The following BCAS4 variants were observed in gnomAD, a reference collection of about 807,000 sequenced individuals.
The protein encoded by BCAS4 is breast carcinoma amplified sequence 4.
BCAS4 carries 9 observed loss-of-function variants against 15.7 expected under a neutral mutation model. The ratio of observed to expected loss-of-function variants is 0.57; its 90% confidence interval spans 0.34 to 1.00. The LOEUF (loss-of-function observed/expected upper bound fraction) is 1.00, where lower values mean the gene tolerates loss of function less well. Ranked by LOEUF, BCAS4 falls within the 50% of genes least tolerant of loss-of-function variation. The pLI is 0.02. For missense variants in BCAS4, 225 were observed against 239.1 expected, an observed-to-expected ratio of 0.94 and a Z score of 0.39; for synonymous variants, 101 against 99.5, an observed-to-expected ratio of 1.02 and a Z score of -0.09.
Position 50,846,904 on chromosome 20 carries a change from A to G in BCAS4, c.399+5004A>G, listed in dbSNP as rs571957779. ...GCTGGGATTACAGGCGTGACCCACG[A>G]CGCCCAGCTTAAAATAATATCTTTA... On this transcript the variant is annotated intron_variant, in intron 4 of 4. Coordinates refer to ENST00000371608, the MANE Select transcript of BCAS4 (RefSeq NM_198799.4). 6.0e-4 allele frequency among the ~76,000 whole-genome samples: 91 copies of G among 151,276 alleles called. 2 individuals are homozygous for G. The South Asian group carries it at 0.019, about 31-fold the overall frequency.
chr20:50,871,306 G>C (rs1979631365), intron 4 of BCAS4, among the ~76,000 whole-genome samples: 1 of 152,168 alleles, frequency 6.6e-6, no homozygotes, highest in Non-Finnish European at 1.5e-5. Context: ...AGAGAGAACG[G>C]GTGTGAAAGT....
At chr20:50,866,129 G>A (rs148331967) in intron 4 of BCAS4, among the ~76,000 whole-genome samples, 3 of 152,284 alleles carry the variant, frequency 2.0e-5, no homozygotes, top group East Asian at 3.9e-4. Flanking sequence ...CTCCAAGCCC[G>A]CTTTCTCATC....
At chr20:50,826,609 A>T (rs537698327) in intron 2 of BCAS4, among the ~76,000 whole-genome samples, 2 of 152,148 alleles carry the variant, frequency 1.3e-5, no homozygotes, top group Non-Finnish European at 2.9e-5. Flanking sequence ...GTGCCTCGCT[A>T]TGTTGCCCAG....
intron 4 of BCAS4, among the ~76,000 whole-genome samples, chr20:50,859,307 G>A (rs1568681843): frequency 2.0e-5 from 3 of 152,170 alleles, no homozygotes; most frequent in East Asian, 1.9e-4. Context: ...GGATGTGGAG[G>A]GCCGACTGCA....
intron 4 of BCAS4, among the ~76,000 whole-genome samples, chr20:50,845,595 C>T (rs910671297): frequency 2.0e-5 from 3 of 152,186 alleles, no homozygotes; most frequent in Non-Finnish European, 2.9e-5. Context: ...CTGGTCTCTC[C>T]CCCAGGACCC....
chr20:50,808,195 AGCCACC>A (rs2088018817), intron 1 of BCAS4, among the ~76,000 whole-genome samples: 1 of 152,142 alleles, frequency 6.6e-6, no homozygotes, highest in Non-Finnish European at 1.5e-5. Flanking sequence ...TACAGGCGTG[AGCCACC>A]GCGCCCGGCT....
intron 3 of BCAS4, among the ~76,000 whole-genome samples, chr20:50,831,513 C>T (rs969988037): frequency 1.3e-5 from 2 of 152,172 alleles, no homozygotes; most frequent in Non-Finnish European, 2.9e-5. Flanking sequence ...GTTGCCTTAC[C>T]GCTGACGTAG....
In BCAS4 at chr20:50,808,088, T is replaced by A. The variant is rs541669607; in HGVS notation, c.91-10123T>A. ...ATGCCCGGCTAATTTTTTTTTTGTATTTTTTAATAGAGATGGGGTTTCACC... is the reference window on the plus strand; with the variant it reads ...ATGCCCGGCTAATTTTTTTTTTGTAATTTTTAATAGAGATGGGGTTTCACC... On this transcript the variant is annotated intron_variant, in intron 1 of 4. Transcript: ENST00000371608. Among the ~76,000 whole-genome samples the A allele has an allele frequency of 2.0e-5, 3 of 151,948 alleles. No homozygotes were observed. In the East Asian group the frequency reaches 5.8e-4, roughly 29 times the overall value.
intron 1 of BCAS4, among the ~76,000 whole-genome samples, chr20:50,803,801 CAA>C (rs77271343): frequency 8.8e-4 from 80 of 90,968 alleles, no homozygotes; most frequent in African/African-American, 1.3e-3. Flanking sequence ...ACTAGACTCC[CAA>C]AAAAAAAAAA....
intron 4 of BCAS4, chr20:50,846,770 C>A (rs545687864): frequency 6.6e-6 from 1 of 151,312 alleles, no homozygotes; most frequent in South Asian, 2.1e-4. Context: ...CCCACCACCA[C>A]GCCAGGCTAA....
chr20:50,804,335 G>A (rs1326162957), intron 1 of BCAS4, among the ~76,000 whole-genome samples: 4 of 152,126 alleles, frequency 2.6e-5, no homozygotes, highest in Non-Finnish European at 5.9e-5. Context: ...CACTGCACCC[G>A]GCCTCATGCT....
intron 2 of BCAS4, 83 bp downstream of exon 2, chr20:50,818,365 G>C: frequency 1.4e-6 from 2 of 1,406,524 alleles, no homozygotes; most frequent in Admixed American, 4.0e-5. Context: ...AAGCCATTTT[G>C]GTGGTGAGTT....
chr20:50,869,792 A>G (rs1457776372), intron 4 of BCAS4, among the ~76,000 whole-genome samples: 6 of 118,590 alleles, frequency 5.1e-5, no homozygotes, highest in African/African-American at 1.7e-4. Context: ...TCTGTTGCCC[A>G]GGCTGGAGTG....
chr20:50,825,659 T>C (rs1017305445), intron 2 of BCAS4, among the ~76,000 whole-genome samples: 49 of 152,156 alleles, frequency 3.2e-4, no homozygotes, highest in Admixed American at 7.2e-4. Flanking sequence ...GGAGGATCAC[T>C]TGAGGTCAGG....
rs534388175 is a variant in BCAS4 at position 50,837,169 on chromosome 20, C to T, written c.265-4597C>T. On this transcript the variant is annotated intron_variant, in intron 3 of 4. Transcript: ENST00000371608. ...CGAGGCACAGAGATGAGAAGTGACG[C>T]TCCTGAGTTCACACAGGTGGGCAGT... is the stretch of plus-strand genomic sequence containing the variant. Among the ~76,000 whole-genome samples the T allele has an allele frequency of 1.1e-4, 17 of 152,306 alleles. No homozygotes were observed. The South Asian group carries it at 3.5e-3, about 32-fold the overall frequency.
intron 1 of BCAS4, among the ~76,000 whole-genome samples, chr20:50,797,072 AAG>A (rs530614603): frequency 3.8e-4 from 58 of 151,912 alleles, no homozygotes; most frequent in Non-Finnish European, 7.5e-4. Context: ...TCCTGGGCCC[AAG>A]AGATCCTTTG....
intron 1 of BCAS4, among the ~76,000 whole-genome samples, chr20:50,812,164 A>T (rs899224031): frequency 6.7e-6 from 1 of 149,974 alleles, no homozygotes; most frequent in African/African-American, 2.5e-5. Context: ...ATGGAATCTC[A>T]CTCTGTTGCC....
intron 1 of BCAS4, among the ~76,000 whole-genome samples, chr20:50,799,884 C>T (rs921822761): frequency 2.6e-5 from 4 of 152,024 alleles, no homozygotes; most frequent in Non-Finnish European, 4.4e-5. Flanking sequence ...GGCAAAATCC[C>T]GTCTCTACAA....
intron 1 of BCAS4, among the ~76,000 whole-genome samples, chr20:50,797,191 A>G (rs2087876079): frequency 6.6e-6 from 1 of 152,184 alleles, no homozygotes; most frequent in Admixed American, 6.6e-5. Context: ...ACTGTCCTGC[A>G]ACTTGCTTTT....
Sources: gnomAD v4.1 joint callset for allele counts (sites outside exome capture counted in the v4.1 genomes callset) on GRCh38, gnomAD v4.1.1 for gene constraint, MANE v1.5 for transcripts, NCBI Gene and HGNC (gene_info 2026-07-23, HGNC 2026-07-21) for gene names.